FBXW5: variants seen among roughly 807,000 people sequenced by gnomAD.
FBXW5 encodes F-box and WD repeat domain containing 5.
A neutral mutation model predicts 50.9 loss-of-function variants in FBXW5; 74 were observed. The observed-to-expected ratio is 1.45, with a 90% confidence interval of 1.20 to 1.76. FBXW5 has a LOEUF of 1.76. Among genes scored for constraint, FBXW5 ranks in the 40% most tolerant of loss-of-function variants. The pLI is 0.00. For missense variants in FBXW5, 1,073 were observed against 818.8 expected, an observed-to-expected ratio of 1.31 and a Z score of -3.79; for synonymous variants, 523 against 362.2, an observed-to-expected ratio of 1.44 and a Z score of -5.04.
rs1390350254 is a variant in FBXW5 at position 136,942,066 on chromosome 9, G to A, written c.1076C>T (p.Thr359Ile). The A allele has an allele frequency of 1.2e-6, 2 of 1,610,390 alleles. No homozygotes were observed. Among genetic ancestry groups the A allele is most frequent in the Non-Finnish European group, 1.7e-6 (2 of 1,177,510 alleles). ...TGTACCGATCTGGTGTGGGGAGTAG[G>A]TGAGGCAGCCAGTGGTGAAGATGAG... The part of the protein sequence containing the change: ...KYLIFTTGCL[T>I]YSPHQIGIKQ... The change falls in exon 6 of 9, where the codon ACC becomes ATC. Residue 359 changes from threonine (T) to isoleucine (I), a missense_variant. Thr to Ile is a moderately conservative substitution (Grantham distance 89, BLOSUM62 -1). Coordinates refer to ENST00000325285, the MANE Select transcript of FBXW5 (RefSeq NM_018998.4).
intron 2 of FBXW5, 95 bp from the exon 3 acceptor site, chr9:136,943,601 G>A (rs1588462906): frequency 1.4e-6 from 2 of 1,471,702 alleles, no homozygotes; most frequent in Non-Finnish European, 1.8e-6. Flanking sequence ...CAGGCCCCGT[G>A]GTGCCCCTGG....
At chr9:136,943,243 G>GTGGCC in intron 3 of FBXW5, 106 bp downstream of exon 3, 1 of 1,176,300 alleles carries the variant, frequency 8.5e-7, no homozygotes, top group Non-Finnish European at 1.2e-6. Flanking sequence ...CCTCTGGCCT[G>GTGGCC]ACCCACCCCC....
chr9:136,943,243 G>GGGGGGGGGGC, intron 3 of FBXW5, 106 bp downstream of exon 3: 4 of 1,176,292 alleles, frequency 3.4e-6, no homozygotes, highest in Non-Finnish European at 3.5e-6. Flanking sequence ...CCTCTGGCCT[G>GGGGGGGGGGC]ACCCACCCCC....
At position 136,940,670 on chromosome 9, in the gene FBXW5, C is replaced by A; in HGVS notation, c.*258G>T. 1 of 533,836 alleles carries A rather than the reference C, an allele frequency of 1.9e-6. No individual in the cohort carries two copies. The highest frequency in any genetic ancestry group is 3.3e-6 in the Non-Finnish European group (1 of 301,006). The allele number at this position is 533,836 out of a possible 1,614,324, so 33.1% of individuals were successfully genotyped here. On this transcript the variant is annotated 3_prime_UTR_variant, in exon 9 of 9. Transcript: ENST00000325285. ...CCCTAGCCTGGGGTTGAGTGAGGAG[C>A]GGCACCCCCAGTATCCTGTGTACCC...
chr9:136,942,276 ACCT>A lies in FBXW5; in HGVS notation c.863_865del (p.Glu288del), dbSNP rs1260409220. On this transcript the variant is annotated inframe_deletion, in exon 6 of 9. Transcript: ENST00000325285. The stretch of plus-strand genomic sequence containing the variant: ...GTGGGCGGGGGCCGGGCCAGCCACC[ACCT>A]CCTCGTTGTCGCTGCCCAGGTCAAA... The A allele has an allele frequency of 3.2e-6, 5 of 1,583,088 alleles. No individual in the cohort carries two copies. Among genetic ancestry groups the A allele is most frequent in the African/African-American group, 2.7e-5 (2 of 73,998 alleles).
rs781339844 is a variant in FBXW5, at chr9:136,942,434, C to A, written c.708G>T (p.Lys236Asn). 1.2e-6 allele frequency: 2 copies of A among 1,601,802 alleles called. No homozygotes were observed. Among genetic ancestry groups the A allele is most frequent in the East Asian group, 4.5e-5 (2 of 44,544 alleles). ...TGAGGTTCTGGATCTTGAACAGCCG[C>A]TTCACCACGTTGACGTTCTCTGACT... ...DVESENVNVV[K>N]RLFKIQNLNA... Residue 236 changes from lysine (K) to asparagine (N), a missense_variant, in exon 6 of 9, where the codon AAG (lysine) becomes AAT (asparagine). Lys to Asn is a moderately conservative substitution (Grantham distance 94). Transcript: ENST00000325285.
chr9:136,944,622 C>A lies in FBXW5; in HGVS notation c.-52G>T, dbSNP rs1189565348. On this transcript the variant is annotated 5_prime_UTR_variant, in exon 1 of 9. Coordinates refer to ENST00000325285, the MANE Select transcript of FBXW5 (RefSeq NM_018998.4). Reference sequence around the variant, plus strand: ...GGCCGCCTCCGCCCGCTGCGCCGCCCCCGCCCTGCGCGACCCGGACCCGCT... The same window carrying A: ...GGCCGCCTCCGCCCGCTGCGCCGCCACCGCCCTGCGCGACCCGGACCCGCT... 1.0e-6 allele frequency: 1 copy of A among 984,440 alleles called. No individual in the cohort carries two copies. The highest frequency in any genetic ancestry group is 4.5e-5 in the South Asian group (1 of 21,994). 61.0% of individuals were successfully genotyped at this position (984,440 alleles called of 1,614,324 possible).
Position 136,942,754 on chromosome 9 carries a change from G to A in FBXW5, c.526+15C>T, listed in dbSNP as rs538857883. On this transcript the variant is annotated intron_variant, in intron 4 of 8. Coordinates refer to ENST00000325285, the MANE Select transcript of FBXW5 (RefSeq NM_018998.4). ...CGTGGGGCGGGGGCAGGGTCAACCC[G>A]CCGCCCGTGCTCACCTAGGCTGATG... 184 of 1,611,878 alleles carry A rather than the reference G, an allele frequency of 1.1e-4. No individual in the cohort carries two copies. Among genetic ancestry groups the A allele is most frequent in the South Asian group, 4.9e-4 (45 of 91,036 alleles).
In FBXW5 at chr9:136,940,965, C is replaced by G; in HGVS notation, c.1664G>C (p.Arg555Pro). 6.4e-7 allele frequency: 1 copy of G among 1,567,462 alleles called. No homozygotes were observed. Among genetic ancestry groups the G allele is most frequent in the Non-Finnish European group, 8.6e-7 (1 of 1,156,576 alleles). The change falls in exon 9 of 9, where the codon CGC becomes CCC. Residue 555 changes from arginine to proline, a missense_variant. Arg to Pro is a moderately radical substitution (Grantham distance 103). Transcript: ENST00000325285. ...RVLQAPRPRP[R>P]TFFSWLASQR... Reference sequence around the variant, plus strand: ...GCTGGCAAGCCAGGAGAAGAAGGTGCGAGGCCGTGGGCGAGGTGCCTGGAG... The same window carrying G: ...GCTGGCAAGCCAGGAGAAGAAGGTGGGAGGCCGTGGGCGAGGTGCCTGGAG...
At position 136,941,664 on chromosome 9, in the gene FBXW5, G is replaced by A. The variant is rs1369404958; in HGVS notation, c.1117C>T (p.His373Tyr). 5 of 1,564,292 alleles carry A rather than the reference G, an allele frequency of 3.2e-6. No homozygotes were observed. The highest frequency in any genetic ancestry group is 2.4e-5 in the East Asian group (1 of 41,688). The change falls in exon 7 of 9, where the codon CAC becomes TAC. Residue 373 changes from histidine (H) to tyrosine (Y), a missense_variant. Transcript: ENST00000325285. ...HQIGIKQILP[H>Y]QMTTAGPVLG... ...ACGGGCCCTGCCGTGGTCATCTGGT[G>A]TGGCAGGATCTGCTTGATGCCTGCA...
At position 136,941,426 on chromosome 9, in the gene FBXW5, C is replaced by G. The variant is rs755697963; in HGVS notation, c.1282G>C (p.Ala428Pro). ...GGCTGCATGGGGTCGGCCACCACCGCACCGTTGGGCCAGGCGCGGCTGTTC... is the reference window on the plus strand; with the variant it reads ...GGCTGCATGGGGTCGGCCACCACCGGACCGTTGGGCCAGGCGCGGCTGTTC... Reference protein sequence around the residue: ...YVNSRAWPNGAVVADPMQPPP... With the variant: ...YVNSRAWPNGPVVADPMQPPP... The change falls in exon 8 of 9, where the codon GCG (alanine) becomes CCG (proline). Residue 428 changes from alanine (A) to proline (P), a missense_variant. Transcript: ENST00000325285. 6.2e-7 allele frequency: 1 copy of G among 1,609,580 alleles called. No homozygotes were observed. The highest frequency in any genetic ancestry group is 2.2e-5 in the East Asian group (1 of 44,884).
Position 136,944,063 on chromosome 9 carries a change from G to A in FBXW5, c.21C>T (p.Pro7=). 1.2e-6 allele frequency: 2 copies of A among 1,600,352 alleles called. No individual in the cohort carries two copies. The highest frequency in any genetic ancestry group is 2.3e-5 in the East Asian group (1 of 44,156). The change falls in exon 2 of 9, where the codon CCC becomes CCT. Residue 7 remains proline (P), a synonymous_variant. Coordinates refer to ENST00000325285, the MANE Select transcript of FBXW5 (RefSeq NM_018998.4). MDEGGT[P]LLPDSLVYQI... ...GGTAGACCAGGCTGTCGGGGAGCAG[G>A]GGCGTGCCGCCCTCGTCCATCGTGA...
intron 6 of FBXW5, 150 bp downstream of exon 6, chr9:136,941,896 A>G (rs1850785466): frequency 2.8e-6 from 4 of 1,436,304 alleles, no homozygotes; most frequent in African/African-American, 2.9e-5. Context: ...CTCATCCCAC[A>G]GGCCCCAGGT....
rs991555036 is a variant in FBXW5 at position 136,940,855 on chromosome 9, C to T, written c.*73G>A. On this transcript the variant is annotated 3_prime_UTR_variant, in exon 9 of 9. Transcript: ENST00000325285. ...CTGCTATAAGCATCTCCACCTCTCCCGCTCGGGAAAAAGCCACAGAGCCTG... is the reference window on the plus strand; with the variant it reads ...CTGCTATAAGCATCTCCACCTCTCCTGCTCGGGAAAAAGCCACAGAGCCTG... 41 of 1,512,716 alleles carry T rather than the reference C, an allele frequency of 2.7e-5. No homozygotes were observed. The highest frequency in any genetic ancestry group is 1.7e-4 in the East Asian group (7 of 41,008). The allele number at this position is 1,512,716 out of a possible 1,614,324, so 93.7% of individuals were successfully genotyped here. A position where few individuals can be genotyped will look rare whatever the true frequency, so the allele number is the denominator to read the frequency against.
chr9:136,941,061 TGCTCCTGGG>T lies in FBXW5; in HGVS notation c.1559_1567del (p.Pro520_Glu522del). On this transcript the variant is annotated inframe_deletion, in exon 9 of 9. Transcript: ENST00000325285. Reference sequence around the variant, plus strand: ...GTCGCTGGCCGTGAGCAGCAGCTCCTGCTCCTGGGGACTGAAGACCACTGAGTTGACCAC... The same window carrying T: ...GTCGCTGGCCGTGAGCAGCAGCTCCTGACTGAAGACCACTGAGTTGACCAC... 6.4e-7 allele frequency: 1 copy of T among 1,558,798 alleles called. No homozygotes were observed. The highest frequency in any genetic ancestry group is 8.7e-7 in the Non-Finnish European group (1 of 1,151,274).
At position 136,943,466 on chromosome 9, in the gene FBXW5, G is replaced by A. The variant is rs145640873; in HGVS notation, c.234C>T (p.Asp78=). 3.1e-6 allele frequency: 5 copies of A among 1,612,536 alleles called. No homozygotes were observed. Among genetic ancestry groups the A allele is most frequent in the African/African-American group, 1.3e-5 (1 of 75,048 alleles). Residue 78 remains aspartate (D), a synonymous_variant, in exon 3 of 9, where the codon GAC becomes GAT. Transcript: ENST00000325285. ...SWYEEFQRLY[D]TVPCVEVQTL... is the part of the protein sequence containing the mutation. The stretch of plus-strand genomic sequence containing the variant: ...TCTGCACCTCCACGCAGGGCACCGT[G>A]TCATACAGCCGCTGGAACTCCTCGT...
Position 136,941,523 on chromosome 9 carries a change from G to A in FBXW5, c.1244+14C>T, listed in dbSNP as rs752381964. 1 of 1,608,768 alleles carries A rather than the reference G, an allele frequency of 6.2e-7. No individual in the cohort carries two copies. Among genetic ancestry groups the A allele is most frequent in the East Asian group, 2.2e-5 (1 of 44,848 alleles). ...CTGCGGGCACCCCGCCTGGGACACTGGCAAGAGGCCCACCTGTTGTCGGGC... is the reference window on the plus strand; with the variant it reads ...CTGCGGGCACCCCGCCTGGGACACTAGCAAGAGGCCCACCTGTTGTCGGGC... On this transcript the variant is annotated intron_variant, in intron 7 of 8. Coordinates refer to ENST00000325285, the MANE Select transcript of FBXW5 (RefSeq NM_018998.4).
At chr9:136,941,763 T>TGTCTCTGGGGC (rs1850780458) in intron 6 of FBXW5, 79 bp from the exon 7 acceptor site, 1 of 1,434,966 alleles carries the variant, frequency 7.0e-7, no homozygotes, top group Non-Finnish European at 9.4e-7. Context: ...ACCTCAGTGG[T>TGTCTCTGGGGC]GTCTCTGGGG....
At position 136,942,210 on chromosome 9, in the gene FBXW5, T is replaced by G; in HGVS notation, c.932A>C (p.Glu311Ala). Reference protein sequence around the residue: ...GLRHFLDRVLEGRAQPQLSER... With the variant: ...GLRHFLDRVLAGRAQPQLSER... ...CGACAGCTGTGGCTGCGCCCGCCCC[T>G]CCAGCACGCGGTCCAGAAAGTGCCG... The change falls in exon 6 of 9, where the codon GAG becomes GCG. Residue 311 changes from glutamate to alanine, a missense_variant. Glu to Ala is a moderately radical substitution (Grantham distance 107, BLOSUM62 -1). Transcript: ENST00000325285. The G allele has an allele frequency of 1.3e-6, 2 of 1,593,618 alleles. No homozygotes were observed. Among genetic ancestry groups the G allele is most frequent in the South Asian group, 1.1e-5 (1 of 88,784 alleles).
Sources: gnomAD v4.1 joint callset for allele counts on GRCh38, gnomAD v4.1.1 for gene constraint, MANE v1.5 for transcripts, NCBI Gene and HGNC (gene_info 2026-07-23, HGNC 2026-07-21) for gene names.